Variants in MMS22L observed in about 807,000 individuals in gnomAD.
MMS22L encodes protein MMS22-like.
MMS22L carries 74 observed loss-of-function variants against 159.1 expected under a neutral mutation model. The ratio of observed to expected loss-of-function variants is 0.47; its 90% CI spans 0.39 to 0.56. The LOEUF is 0.56. Ranked by LOEUF, MMS22L falls within the 20% of genes least tolerant of loss-of-function variation. The pLI is 0.00. For missense variants in MMS22L, 1,351 were observed against 1,422.1 expected (o/e 0.95, Z 0.80); for synonymous variants, 517 against 506.9 (o/e 1.02, Z -0.27).
chr6:97,232,010 T>C (rs1810926531), intron 12 of MMS22L, among the ~76,000 whole-genome samples: 1 of 152,168 alleles, frequency 6.6e-6, no homozygotes, highest in Admixed American at 6.5e-5. Context: ...TCATTGGTTG[T>C]ATAAAATTTC....
Position 97,178,559 on chromosome 6 carries a change from T to G in MMS22L, c.2563A>C (p.Lys855Gln). 1 of 1,548,346 alleles carries G rather than the reference T, an allele frequency of 6.5e-7. No individual in the cohort carries two copies. The highest frequency in any genetic ancestry group is 8.8e-7 in the Non-Finnish European group (1 of 1,133,152). Residue 855 changes from lysine to glutamine, a missense_variant, in exon 18 of 25, where the codon AAA (lysine) becomes CAA (glutamine). By Grantham distance (53) the Lys-to-Gln change is moderately conservative (BLOSUM62 1). Coordinates refer to ENST00000683635, the MANE Select transcript of MMS22L (RefSeq NM_001350599.2). Reference sequence around the variant, plus strand: ...AGATTAAATAGTAATCTTGTCAGTTTGACCAACTGTTTCATGTACTCTTTT... The same window carrying G: ...AGATTAAATAGTAATCTTGTCAGTTGGACCAACTGTTTCATGTACTCTTTT... ...VEKEYMKQLV[K>Q]LTRLLFNLSE... is the part of the protein sequence containing the mutation.
intron 14 of MMS22L, among the ~76,000 whole-genome samples, chr6:97,224,561 TAA>T (rs1382157364): frequency 2.1e-5 from 3 of 141,158 alleles, no homozygotes. Flanking sequence ...CTGACTCATT[TAA>T]AAAAAAAAAA....
chr6:97,248,029 T>C (rs185120458), intron 10 of MMS22L, among the ~76,000 whole-genome samples: 6 of 152,320 alleles, frequency 3.9e-5, no homozygotes, highest in Admixed American at 2.6e-4. Flanking sequence ...TCCTGGAATT[T>C]ATGCTTTCTA....
intron 15 of MMS22L, among the ~76,000 whole-genome samples, chr6:97,186,094 ATCT>A (rs1208656062): frequency 6.6e-6 from 1 of 152,150 alleles, no homozygotes; most frequent in Non-Finnish European, 1.5e-5. Context: ...TTCTGATCTC[ATCT>A]TCTTGGGATT....
At chr6:97,196,019 G>A (rs905047263) in intron 14 of MMS22L, among the ~76,000 whole-genome samples, 1 of 152,138 alleles carries the variant, frequency 6.6e-6, no homozygotes, top group African/African-American at 2.4e-5. Context: ...TATGAAAAGA[G>A]AAAATTGAAG....
chr6:97,272,611 T>A, intron 6 of MMS22L, 93 bp downstream of exon 6: 1 of 1,142,504 alleles, frequency 8.8e-7, no homozygotes, highest in Non-Finnish European at 1.2e-6. Context: ...GTTCCAGAGC[T>A]GTAATTCTGA....
Position 97,144,802 on chromosome 6 carries a change from GTTAC to G in MMS22L, c.*2000_*2003del, listed in dbSNP as rs1467317452. On this transcript the variant is annotated 3_prime_UTR_variant, in exon 25 of 25. Transcript: ENST00000683635. ...AATTTAAAAAAAAGCTTTAAAAAAAGTTACTTATACATAAATACAAAACATATAA... is the reference window on the plus strand; with the variant it reads ...AATTTAAAAAAAAGCTTTAAAAAAAGTTATACATAAATACAAAACATATAA... 5 of 151,890 alleles carry G rather than the reference GTTAC, an allele frequency of 3.3e-5. No individual in the cohort carries two copies. The highest frequency in any genetic ancestry group is 1.2e-4 in the African/African-American group (5 of 41,436). The allele number at this position is 151,890 out of a possible 1,614,324, so 9.4% of individuals were successfully genotyped here.
rs1249986177 is a variant in MMS22L at position 97,150,092 on chromosome 6, A to G, written c.3483-72T>C. ...TTGTGTTGGTATCTACGTGGCAATCAACTATGAACTGAACATAACAAAGAT... is the reference window on the plus strand; with the variant it reads ...TTGTGTTGGTATCTACGTGGCAATCGACTATGAACTGAACATAACAAAGAT... On this transcript the variant is annotated intron_variant, in intron 23 of 24. Transcript: ENST00000683635. The G allele has an allele frequency of 2.6e-6, 3 of 1,156,408 alleles. No homozygotes were observed. In the African/African-American group the frequency reaches 4.6e-5, roughly 18 times the overall value. The allele number at this position is 1,156,408 out of a possible 1,614,324, so 71.6% of individuals were successfully genotyped here.
chr6:97,256,711 G>A (rs1813849608), intron 9 of MMS22L, among the ~76,000 whole-genome samples: 1 of 152,306 alleles, frequency 6.6e-6, no homozygotes, highest in East Asian at 1.9e-4. Flanking sequence ...AACACTTTGG[G>A]AGGGCAAGGC....
chr6:97,262,393 C>G (rs1393264432), intron 9 of MMS22L, among the ~76,000 whole-genome samples: 1 of 151,950 alleles, frequency 6.6e-6, no homozygotes, highest in Non-Finnish European at 1.5e-5. Context: ...GCCTGTAATC[C>G]TAGCACTTTG....
chr6:97,260,701 T>G (rs1814372463), intron 9 of MMS22L: 1 of 152,216 alleles, frequency 6.6e-6, no homozygotes, highest in Non-Finnish European at 1.5e-5. Context: ...TTATCAAATC[T>G]GTTTTCTTCT....
In MMS22L at chr6:97,143,635, G is replaced by C. The variant is rs1442042483; in HGVS notation, c.*3171C>G. The C allele has an allele frequency of 1.3e-5, 2 of 152,180 alleles. No individual in the cohort carries two copies. Among genetic ancestry groups the C allele is most frequent in the African/African-American group, 4.8e-5 (2 of 41,456 alleles). 9.4% of individuals were successfully genotyped at this position (152,180 alleles called of 1,614,324 possible). A position where few individuals can be genotyped will look rare whatever the true frequency, so the allele number is the denominator to read the frequency against. ...TGCAAAAAGATAAAAAGAAGCCTAA[G>C]ATCCTGTAATGGTAATCAACTGAAA... On this transcript the variant is annotated 3_prime_UTR_variant, in exon 25 of 25. Transcript: ENST00000683635.
intron 14 of MMS22L, among the ~76,000 whole-genome samples, chr6:97,194,783 T>A (rs1806302332): frequency 6.6e-6 from 1 of 152,136 alleles, no homozygotes; most frequent in Admixed American, 6.5e-5. Context: ...AAAATGGGCG[T>A]GGAAGAGATT....
At position 97,233,949 on chromosome 6, in the gene MMS22L, T is replaced by G; in HGVS notation, c.1214A>C (p.Tyr405Ser). 3 of 1,610,280 alleles carry G rather than the reference T, an allele frequency of 1.9e-6. No homozygotes were observed. Among genetic ancestry groups the G allele is most frequent in the Non-Finnish European group, 1.7e-6 (2 of 1,178,480 alleles). Residue 405 changes from tyrosine (Y) to serine (S), a missense_variant, in exon 12 of 25, where the codon TAT (tyrosine) becomes TCT (serine). Transcript: ENST00000683635. ...GVILEEQLRMYLHCCLTLCDF... is the reference protein window; with the variant it reads ...GVILEEQLRMSLHCCLTLCDF... ...ACAAAGTGTCAAACAACAGTGAAGA[T>G]ACATTCGTAATTGTTCTTCTAGAAT...
At chr6:97,201,005 T>C (rs1807090300) in intron 14 of MMS22L, among the ~76,000 whole-genome samples, 1 of 152,118 alleles carries the variant, frequency 6.6e-6, no homozygotes, top group African/African-American at 2.4e-5. Context: ...ATAAGATGTT[T>C]AGATTGACTG....
chr6:97,246,044 T>A (rs900053572), intron 11 of MMS22L: 2 of 247,934 alleles, frequency 8.1e-6, no homozygotes, highest in African/African-American at 4.6e-5. Flanking sequence ...ATTACAAAAC[T>A]TTACAGGGCT....
intron 19 of MMS22L, among the ~76,000 whole-genome samples, chr6:97,172,515 T>C (rs1478068474): frequency 6.6e-6 from 1 of 152,212 alleles, no homozygotes; most frequent in East Asian, 1.9e-4. Context: ...AAAAAAGATA[T>C]GTTAATCACT....
At chr6:97,276,915 G>T (rs1816292302) in intron 4 of MMS22L, among the ~76,000 whole-genome samples, 1 of 152,178 alleles carries the variant, frequency 6.6e-6, no homozygotes. Flanking sequence ...CTCATCAGCA[G>T]CATATTTTTC....
At chr6:97,210,136 G>A (rs1808221880) in intron 14 of MMS22L, among the ~76,000 whole-genome samples, 1 of 151,828 alleles carries the variant, frequency 6.6e-6, no homozygotes, top group Admixed American at 6.6e-5. Flanking sequence ...GGTACAAAAG[G>A]CTCTTTCCAT....
Sources: allele counts gnomAD v4.1 joint callset (sites outside exome capture counted in the v4.1 genomes callset), GRCh38; gene constraint gnomAD v4.1.1; transcripts MANE v1.5; gene names NCBI Gene and HGNC (gene_info 2026-07-23, HGNC 2026-07-21).